Variants in SEMA3D observed in about 807,000 individuals in gnomAD.
SEMA3D encodes semaphorin-3D.
Under a neutral mutation model 100.1 loss-of-function variants are expected in SEMA3D, and 84 were observed. The observed-to-expected ratio is 0.84, with a 90% CI of 0.70 to 1.01. The LOEUF is 1.01. SEMA3D is among the 50% of genes least tolerant of loss of function. The pLI, the probability that SEMA3D is intolerant of heterozygous loss-of-function variation, is 0.00. For missense variants in SEMA3D, 875 were observed against 934.1 expected (o/e 0.94, Z 0.82); for synonymous variants, 312 against 320.7 (o/e 0.97, Z 0.29).
intron 8 of SEMA3D, among the ~76,000 whole-genome samples, chr7:85,063,746 C>T (rs1791538533): frequency 6.6e-6 from 1 of 152,050 alleles, no homozygotes. Context: ...TTGTAAGTTA[C>T]CTTTAGAAAA....
chr7:85,175,064 T>C (rs1791189722), intron 1 of SEMA3D, among the ~76,000 whole-genome samples: 1 of 152,194 alleles, frequency 6.6e-6, no homozygotes, highest in Non-Finnish European at 1.5e-5. Flanking sequence ...GTTGCAATTA[T>C]ACAAAAGAAT....
the SEMA3D span, among the ~76,000 whole-genome samples, chr7:85,204,983 TATACGTGAG>T: frequency 1.3e-5 from 2 of 152,148 alleles, no homozygotes; most frequent in Admixed American, 1.3e-4. Flanking sequence ...GTCATTCTAA[TATACGTGAG>T]ATGCTATCTC....
intron 2 of SEMA3D, among the ~76,000 whole-genome samples, chr7:85,139,510 ATT>A (rs1404389306): frequency 6.6e-6 from 1 of 152,056 alleles, no homozygotes; most frequent in African/African-American, 2.4e-5. Flanking sequence ...ATGTAATAAT[ATT>A]TCTGTCTTTT....
chr7:85,219,854 T>C, the SEMA3D span, among the ~76,000 whole-genome samples: 1 of 152,120 alleles, frequency 6.6e-6, no homozygotes, highest in South Asian at 2.1e-4. Flanking sequence ...AAAGTTATTG[T>C]GTGAAGTGTT....
At chr7:85,180,084 T>C (rs1285683467) in intron 1 of SEMA3D, among the ~76,000 whole-genome samples, 1 of 152,226 alleles carries the variant, frequency 6.6e-6, no homozygotes, top group African/African-American at 2.4e-5. Context: ...CAGAATGATA[T>C]GATTTGGCTC....
At chr7:85,201,612 T>A in the SEMA3D span, among the ~76,000 whole-genome samples, 68 of 152,186 alleles carry the variant, frequency 4.5e-4, no homozygotes, top group Non-Finnish European at 1.5e-5. Flanking sequence ...GTGCTCCCTC[T>A]TGTTCTTTGG....
chr7:85,071,615 A>T (rs567969520), intron 6 of SEMA3D, among the ~76,000 whole-genome samples: 1 of 152,332 alleles, frequency 6.6e-6, no homozygotes, highest in East Asian at 1.9e-4. Context: ...CACTTACACA[A>T]ACCTAGATGG....
At chr7:85,049,929 A>G (rs1009769650) in intron 9 of SEMA3D, among the ~76,000 whole-genome samples, 4 of 152,050 alleles carry the variant, frequency 2.6e-5, no homozygotes, top group African/African-American at 7.2e-5. Flanking sequence ...GTAGACTTGC[A>G]TAAGTATAAT....
intron 2 of SEMA3D, chr7:85,144,767 T>G (rs1313327822): frequency 6.4e-6 from 4 of 624,366 alleles, no homozygotes; most frequent in Non-Finnish European, 8.0e-6. Flanking sequence ...AATAATAATA[T>G]TTCATAGAAT....
At chr7:85,052,553 C>T (rs575265397) in intron 9 of SEMA3D, among the ~76,000 whole-genome samples, 2 of 151,982 alleles carry the variant, frequency 1.3e-5, no homozygotes, top group Non-Finnish European at 2.9e-5. Context: ...GCCTGGCCTC[C>T]ATTCCTTAGC....
chr7:85,190,635 A>C (rs1389533387), upstream of SEMA3D, among the ~76,000 whole-genome samples: 2 of 152,092 alleles, frequency 1.3e-5, no homozygotes, highest in African/African-American at 4.8e-5. Flanking sequence ...GATGTGTTTA[A>C]TGGTGGGGAA....
chr7:85,080,425 A>G (rs1408087983), intron 5 of SEMA3D, among the ~76,000 whole-genome samples: 4 of 152,154 alleles, frequency 2.6e-5, no homozygotes, highest in Non-Finnish European at 4.4e-5. Context: ...TTGATAGAGG[A>G]TTCTTTAATC....
chr7:85,034,542 G>C (rs773608235), intron 12 of SEMA3D, among the ~76,000 whole-genome samples: 1 of 152,094 alleles, frequency 6.6e-6, no homozygotes, highest in Non-Finnish European at 1.5e-5. Flanking sequence ...GGGAGGCAGA[G>C]GTTGCAGTGA....
At chr7:85,085,003 A>G (rs907715420) in intron 4 of SEMA3D, among the ~76,000 whole-genome samples, 5 of 152,160 alleles carry the variant, frequency 3.3e-5, no homozygotes, top group African/African-American at 7.2e-5. Flanking sequence ...GTAGTATTCC[A>G]TAGTGTACAT....
At position 84,998,896 on chromosome 7, in the gene SEMA3D, C is replaced by A; in HGVS notation, c.*544G>T. 6.5e-6 allele frequency: 1 copy of A among 153,300 alleles called. No individual in the cohort carries two copies. Among genetic ancestry groups the A allele is most frequent in the Non-Finnish European group, 1.5e-5 (1 of 68,806 alleles). 9.5% of individuals were successfully genotyped at this position (153,300 alleles called of 1,614,324 possible). A position where few individuals can be genotyped will look rare whatever the true frequency, so the allele number is the denominator to read the frequency against. On this transcript the variant is annotated 3_prime_UTR_variant, in exon 19 of 19. Coordinates refer to ENST00000284136, the MANE Select transcript of SEMA3D (RefSeq NM_001384900.1). ...CAGTGGCCAGAAAGAAATAATGCAC[C>A]TCTCCAAATTCCTATACCATTCTCC...
rs10256659 is a variant in SEMA3D, at chr7:85,029,988, A to T, written c.1191+6901T>A. Among the ~76,000 whole-genome samples, 1,129 of 152,136 alleles carry T rather than the reference A, an allele frequency of 7.4e-3. 15 individuals carry two copies. Among genetic ancestry groups the T allele is most frequent in the African/African-American group, 0.026 (1,065 of 41,542 alleles). On this transcript the variant is annotated intron_variant, in intron 12 of 18. Transcript: ENST00000284136. ...CCACAACCTCCACCCCTGAATAAAA[A>T]AAAAGATTTTGAGCTGAAAATGAGC...
chr7:85,226,116 G>C, the SEMA3D span, among the ~76,000 whole-genome samples: 1 of 151,840 alleles, frequency 6.6e-6, no homozygotes, highest in Non-Finnish European at 1.5e-5. Context: ...TTTTCTTATA[G>C]TATTAAGGCT....
At chr7:85,034,515 G>A (rs1434211643) in intron 12 of SEMA3D, among the ~76,000 whole-genome samples, 5 of 152,066 alleles carry the variant, frequency 3.3e-5, no homozygotes, top group African/African-American at 9.7e-5. Flanking sequence ...GCTAAGGCAG[G>A]AGAAGTGCTT....
chr7:85,064,074 C>T (rs1791548054), intron 8 of SEMA3D, among the ~76,000 whole-genome samples: 1 of 152,106 alleles, frequency 6.6e-6, no homozygotes, highest in Admixed American at 6.6e-5. Context: ...TGCATATTTC[C>T]TACATTTATT....
Sources: allele counts gnomAD v4.1 joint callset (sites outside exome capture counted in the v4.1 genomes callset), GRCh38; gene constraint gnomAD v4.1.1; transcripts MANE v1.5; gene names NCBI Gene and HGNC (gene_info 2026-07-23, HGNC 2026-07-21).